Variants in NKTR observed in about 807,000 individuals in gnomAD.
NKTR encodes the protein natural killer cell triggering receptor, also known as NK-tumor recognition protein.
In NKTR, 67 loss-of-function variants were observed where a neutral mutation model predicts 156.3. The observed-to-expected ratio is 0.43, with a 90% CI of 0.35 to 0.53. The LOEUF (loss-of-function observed/expected upper bound fraction) is 0.53, where lower values mean the gene tolerates loss of function less well. Ranked by LOEUF, NKTR falls within the 20% of genes least tolerant of loss-of-function variation. The probability of loss-of-function intolerance (pLI) is 0.01; values close to 1 mark genes in which losing one functional copy is unlikely to be tolerated. For synonymous variants in NKTR, 640 were observed against 596.6 expected, an observed-to-expected ratio of 1.07 and a Z score of -1.06; for missense variants, 1,604 against 1,730.9, an observed-to-expected ratio of 0.93 and a Z score of 1.30.
At chr3:42,632,061 CTTTTTTTTTT>C in intron 8 of NKTR, among the ~76,000 whole-genome samples, 1 of 86,516 alleles carries the variant, frequency 1.2e-5, no homozygotes, top group East Asian at 3.6e-4. Context: ...TTATGCAATT[CTTTTTTTTTT>C]TTTTTTTTTT....
chr3:42,624,845 AT>A (rs1323169002), intron 6 of NKTR, among the ~76,000 whole-genome samples: 1 of 152,042 alleles, frequency 6.6e-6, no homozygotes, highest in Non-Finnish European at 1.5e-5. Flanking sequence ...TCTGGCTGTA[AT>A]TTTTTTGTCT....
In NKTR at chr3:42,638,639, C is replaced by T. The variant is rs770617233; in HGVS notation, c.2935C>T (p.His979Tyr). 1 of 1,612,694 alleles carries T rather than the reference C, an allele frequency of 6.2e-7. No homozygotes were observed. Among genetic ancestry groups the T allele is most frequent in the Admixed American group, 1.7e-5 (1 of 59,690 alleles). ...NNRGKPQKHK[H>Y]GSKENLKREH... ...TAGGGGAAAGCCACAAAAGCACAAA[C>T]ATGGGTCAAAGGAAAATCTTAAAAG... Residue 979 changes from histidine to tyrosine, a missense_variant, in exon 13 of 17, where the codon CAT becomes TAT. Physicochemically the swap from His to Tyr is moderately conservative, Grantham distance 83 (BLOSUM62 2). Around this residue, in one of 6 missense-constraint regions of NKTR, gnomAD observed 1,255 missense variants for 1,243.7 expected, o/e 1.01. Coordinates refer to ENST00000232978, the MANE Select transcript of NKTR (RefSeq NM_005385.4).
chr3:42,637,053 G>C lies in NKTR; in HGVS notation c.1349G>C (p.Arg450Thr). The change falls in exon 13 of 17, where the codon AGA becomes ACA. Residue 450 changes from arginine to threonine, a missense_variant. This residue lies in a region of NKTR where 1,255 missense variants were observed against 1,243.7 expected (regional missense o/e 1.01). Transcript: ENST00000232978. ...GGGAAAAAGCAGAAACACTGCAGAA[G>C]ACACAAACAAACAAAGAAGAGAAGG... is the stretch of plus-strand genomic sequence containing the variant. ...KKGKKQKHCR[R>T]HKQTKKRRIL... 3 of 1,605,844 alleles carry C rather than the reference G, an allele frequency of 1.9e-6. No individual in the cohort carries two copies. In the South Asian group the frequency reaches 3.4e-5, roughly 18 times the overall value.
Position 42,630,536 on chromosome 3 carries a change from T to G in NKTR, c.375-10T>G. 1 of 1,613,934 alleles carries G rather than the reference T, an allele frequency of 6.2e-7. No homozygotes were observed. Among genetic ancestry groups the G allele is most frequent in the Non-Finnish European group, 8.5e-7 (1 of 1,179,866 alleles). ...TTGACATCATCTTTGTGTTGATGTT[T>G]ATTACATAGTACCACAAAGCCTGCT... On this transcript the variant is annotated splice_polypyrimidine_tract_variant and intron_variant, in intron 6 of 16. Transcript: ENST00000232978.
At chr3:42,628,472 G>A (rs1708596086) in intron 6 of NKTR, 4 of 985,342 alleles carry the variant, frequency 4.1e-6, no homozygotes, top group Non-Finnish European at 4.8e-6. Context: ...TTCTCCAAAG[G>A]TTTGCCATAA....
At chr3:42,621,774 A>G (rs778587878) in intron 6 of NKTR, among the ~76,000 whole-genome samples, 9 of 151,968 alleles carry the variant, frequency 5.9e-5, no homozygotes, top group Non-Finnish European at 1.3e-4. Context: ...TTCAGAAAAG[A>G]TGACGGCATA....
intron 2 of NKTR, among the ~76,000 whole-genome samples, chr3:42,607,526 G>A (rs1706344019): frequency 6.6e-6 from 1 of 152,022 alleles, no homozygotes; most frequent in Non-Finnish European, 1.5e-5. Context: ...AAAAGATGGA[G>A]ACTGTTTTAG....
chr3:42,627,850 C>G, intron 6 of NKTR: 1 of 985,322 alleles, frequency 1.0e-6, no homozygotes, highest in Non-Finnish European at 1.2e-6. Context: ...CATTGCACAG[C>G]TCTTTAAACA....
chr3:42,600,706 G>A lies in NKTR; in HGVS notation c.-96G>A. 2 of 254,304 alleles carry A rather than the reference G, an allele frequency of 7.9e-6. No individual in the cohort carries two copies. The highest frequency in any genetic ancestry group is 7.5e-6 in the Non-Finnish European group (1 of 133,414). The allele number at this position is 254,304 out of a possible 1,614,324, so 15.8% of individuals were successfully genotyped here. On this transcript the variant is annotated 5_prime_UTR_variant, in exon 1 of 17. Transcript: ENST00000232978. Reference sequence around the variant, plus strand: ...GAGGAGACGGCGTTCCGTTAGCGGCGTTGGGGTTTGGCTGCAGTGGCAGTG... The same window carrying A: ...GAGGAGACGGCGTTCCGTTAGCGGCATTGGGGTTTGGCTGCAGTGGCAGTG...
In NKTR at chr3:42,637,065, CAAA is replaced by C; in HGVS notation, c.1362_1364del (p.Lys456del). On this transcript the variant is annotated inframe_deletion, in exon 13 of 17. Coordinates refer to ENST00000232978, the MANE Select transcript of NKTR (RefSeq NM_005385.4). ...AAACACTGCAGAAGACACAAACAAACAAAGAAGAGAAGGATTCTTATACCGTCT... is the reference window on the plus strand; with the variant it reads ...AAACACTGCAGAAGACACAAACAAACGAAGAGAAGGATTCTTATACCGTCT... 1 of 1,604,524 alleles carries C rather than the reference CAAA, an allele frequency of 6.2e-7. No individual in the cohort carries two copies. Among genetic ancestry groups the C allele is most frequent in the Non-Finnish European group, 8.5e-7 (1 of 1,177,632 alleles).
Position 42,647,175 on chromosome 3 carries a change from GAC to G in NKTR, c.*1202_*1203del, listed in dbSNP as rs917136617. 1.2e-4 allele frequency: 18 copies of G among 152,086 alleles called. No individual in the cohort carries two copies. Among genetic ancestry groups the G allele is most frequent in the Admixed American group, 7.2e-4 (11 of 15,270 alleles). The allele number at this position is 152,086 out of a possible 1,614,324, so 9.4% of individuals were successfully genotyped here. Reference sequence around the variant, plus strand: ...TGCGTGACCTGACCCAGGTGCAAGAGACAGGGGAAGAGGGATAGAGGGTATAG... The same window carrying G: ...TGCGTGACCTGACCCAGGTGCAAGAGAGGGGAAGAGGGATAGAGGGTATAG... On this transcript the variant is annotated 3_prime_UTR_variant, in exon 17 of 17. Coordinates refer to ENST00000232978, the MANE Select transcript of NKTR (RefSeq NM_005385.4).
chr3:42,630,545 G>A lies in NKTR; in HGVS notation c.375-1G>A. 1 of 1,613,338 alleles carries A rather than the reference G, an allele frequency of 6.2e-7. No homozygotes were observed. On this transcript the variant is annotated splice_acceptor_variant, in intron 6 of 16. Transcript: ENST00000232978. LOFTEE classifies it high-confidence loss of function. The stretch of plus-strand genomic sequence containing the variant: ...TCTTTGTGTTGATGTTTATTACATA[G>A]TACCACAAAGCCTGCTCCACACCTG...
At chr3:42,621,343 A>G in intron 5 of NKTR, 86 bp from the exon 6 acceptor site, 2 of 1,495,482 alleles carry the variant, frequency 1.3e-6, no homozygotes, top group Non-Finnish European at 8.9e-7. Flanking sequence ...GAGGAATTTC[A>G]TCTTTTGCTT....
intron 2 of NKTR, among the ~76,000 whole-genome samples, chr3:42,606,767 G>T (rs1706274453): frequency 6.6e-6 from 1 of 151,804 alleles, no homozygotes; most frequent in Non-Finnish European, 1.5e-5. Context: ...CAGCACTTTG[G>T]GAGGCCAAGG....
At chr3:42,643,242 A>G in intron 14 of NKTR, 97 bp from the exon 15 acceptor site, 1 of 933,284 alleles carries the variant, frequency 1.1e-6, no homozygotes, top group Non-Finnish European at 1.7e-6. Flanking sequence ...ATTTCACTGT[A>G]TTTTCACCTT....
At chr3:42,604,959 G>C (rs1706087080) in intron 2 of NKTR, among the ~76,000 whole-genome samples, 1 of 151,728 alleles carries the variant, frequency 6.6e-6, no homozygotes, top group Non-Finnish European at 1.5e-5. Flanking sequence ...CGAAGTGCTG[G>C]GATTACAGGC....
chr3:42,644,952 A>G (rs903959617), intron 16 of NKTR, among the ~76,000 whole-genome samples: 1 of 150,822 alleles, frequency 6.6e-6, no homozygotes, highest in African/African-American at 2.5e-5. Flanking sequence ...CTTGAACCCC[A>G]GAGAACTATA....
Position 42,635,331 on chromosome 3 carries a change from A to T in NKTR, c.1128A>T (p.Arg376Ser). The change falls in exon 12 of 17, where the codon AGA (arginine) becomes AGT (serine). Residue 376 changes from arginine to serine, a missense_variant. Physicochemically the swap from Arg to Ser is moderately radical, Grantham distance 110. Around this residue, in one of 6 missense-constraint regions of NKTR, gnomAD observed 1,255 missense variants for 1,243.7 expected, o/e 1.01. Coordinates refer to ENST00000232978, the MANE Select transcript of NKTR (RefSeq NM_005385.4). ...AAATGCAGAGATTAAGAGCATATAG[A>T]CCACCTAGTGGAGAAAAATGGAGTA... ...KEEMQRLRAY[R>S]PPSGEKWSKG... 1 of 1,613,138 alleles carries T rather than the reference A, an allele frequency of 6.2e-7. No homozygotes were observed. Among genetic ancestry groups the T allele is most frequent in the Non-Finnish European group, 8.5e-7 (1 of 1,179,516 alleles).
At chr3:42,622,727 C>T (rs1262982204) in intron 6 of NKTR, among the ~76,000 whole-genome samples, 1 of 151,910 alleles carries the variant, frequency 6.6e-6, no homozygotes, top group Non-Finnish European at 1.5e-5. Flanking sequence ...TATTCTTAAC[C>T]TTCTTAAGAG....
Sources: gnomAD v4.1 joint callset for allele counts (sites outside exome capture counted in the v4.1 genomes callset) on GRCh38, gnomAD v4.1.1 for gene constraint, gnomAD v4.1.1 regional missense constraint, MANE v1.5 for transcripts, NCBI Gene and HGNC (gene_info 2026-07-23, HGNC 2026-07-21) for gene names.